Variants in RAPH1 observed in about 807,000 individuals in gnomAD.
The protein encoded by RAPH1 is ras-associated and pleckstrin homology domains-containing protein 1.
Under a neutral mutation model 88.1 loss-of-function variants are expected in RAPH1, and 18 were observed. The ratio of observed to expected loss-of-function variants is 0.20; its 90% CI spans 0.14 to 0.30. The LOEUF is 0.30. Among genes scored for constraint, RAPH1 ranks in the 10% least tolerant of loss-of-function variants. RAPH1 has a pLI of 1.00. For missense variants in RAPH1, 1,448 were observed against 1,543.2 expected (o/e 0.94, Z 1.03); for synonymous variants, 587 against 559.0 (o/e 1.05, Z -0.71).
chr2:203,510,755 T>C (rs1478292485), intron 1 of RAPH1, among the ~76,000 whole-genome samples: 1 of 152,112 alleles, frequency 6.6e-6, no homozygotes, highest in Non-Finnish European at 1.5e-5. Flanking sequence ...GTGGTGAAGG[T>C]TGCATGACCT....
chr2:203,530,755 G>A (rs1194113922), intron 1 of RAPH1, among the ~76,000 whole-genome samples: 4 of 152,110 alleles, frequency 2.6e-5, no homozygotes, highest in African/African-American at 4.8e-5. Flanking sequence ...AGCTGGGCAC[G>A]GTGGTGCATG....
At chr2:203,531,791 G>A (rs1316840237) in intron 1 of RAPH1, among the ~76,000 whole-genome samples, 1 of 152,174 alleles carries the variant, frequency 6.6e-6, no homozygotes, top group African/African-American at 2.4e-5. Context: ...ATTGCTAGTG[G>A]GAATGTAAAA....
Position 203,506,846 on chromosome 2 carries a change from C to CTATATATA in RAPH1, c.1-11494_1-11493insTATATATA, listed in dbSNP as rs1277788456. 4.8e-4 allele frequency among the ~76,000 whole-genome samples: 32 copies of CTATATATA among 66,462 alleles called. 2 individuals are homozygous for CTATATATA. Among genetic ancestry groups the CTATATATA allele is most frequent in the African/African-American group, 2.7e-3 (25 of 9,302 alleles). 43.6% of individuals were successfully genotyped at this position (66,462 alleles called of 152,430 possible). ...TATATATATATCTATATCTATATAT[C>CTATATATA]TATCTATATCTATATATATATATAT... On this transcript the variant is annotated intron_variant, in intron 1 of 13. Coordinates refer to ENST00000319170, the MANE Select transcript of RAPH1 (RefSeq NM_213589.3).
At chr2:203,518,442 T>C (rs893095071) in intron 1 of RAPH1, among the ~76,000 whole-genome samples, 1 of 151,420 alleles carries the variant, frequency 6.6e-6, no homozygotes, top group Non-Finnish European at 1.5e-5. Context: ...TGCTTGAATG[T>C]AGGAGGTGGA....
At chr2:203,485,346 G>A (rs1282771728) in intron 4 of RAPH1, among the ~76,000 whole-genome samples, 2 of 150,544 alleles carry the variant, frequency 1.3e-5, no homozygotes, top group Non-Finnish European at 2.9e-5. Flanking sequence ...GGGAGGCGGA[G>A]GTTGCAGTGA....
Position 203,448,956 on chromosome 2 carries a change from T to A in RAPH1, c.1414-120A>T. On this transcript the variant is annotated intron_variant, in intron 10 of 13. Transcript: ENST00000319170. The surrounding 1 kb of genome is among the most constrained non-coding windows in gnomAD (Gnocchi z 4.1). ...GCCATTAGAGTAATGGCCAATACAT[T>A]TATGCTTCTTATATGGCCATAAGGC... 1 of 479,470 alleles carries A rather than the reference T, an allele frequency of 2.1e-6. No individual in the cohort carries two copies. The highest frequency in any genetic ancestry group is 3.6e-6 in the Non-Finnish European group (1 of 278,500). 29.7% of individuals were successfully genotyped at this position (479,470 alleles called of 1,614,324 possible).
intron 1 of RAPH1, among the ~76,000 whole-genome samples, chr2:203,504,104 T>C (rs1285426551): frequency 6.6e-6 from 1 of 152,158 alleles, no homozygotes; most frequent in Non-Finnish European, 1.5e-5. Context: ...TCTGTAGATC[T>C]ACCATTCTGG....
intron 1 of RAPH1, among the ~76,000 whole-genome samples, chr2:203,522,895 CAAA>C (rs59862473): frequency 1.9e-3 from 165 of 85,822 alleles, no homozygotes; most frequent in Middle Eastern, 0.014. Context: ...GACTCTGTCT[CAAA>C]AAAAAAAAAA....
chr2:203,517,324 A>G (rs1440665281), intron 1 of RAPH1, among the ~76,000 whole-genome samples: 1 of 135,282 alleles, frequency 7.4e-6, no homozygotes, highest in African/African-American at 2.8e-5. Flanking sequence ...CTGAATGCAT[A>G]TGTGCCTAAC....
rs372047512 is a variant in RAPH1 at position 203,461,358 on chromosome 2, C to A, written c.861G>T (p.Val287=). The change falls in exon 6 of 14, where the codon GTG becomes GTT. Residue 287 remains valine (V), a synonymous_variant. Coordinates refer to ENST00000319170, the MANE Select transcript of RAPH1 (RefSeq NM_213589.3). ...CTTGTCTTACTGTCTGCCTCTCATC[C>A]ACCATCATTGTTTTAGAACTGTCAT... ...MSDDSSKTMM[V]DERQTVRQVL... 6.2e-7 allele frequency: 1 copy of A among 1,610,198 alleles called. No homozygotes were observed. Among genetic ancestry groups the A allele is most frequent in the African/African-American group, 1.3e-5 (1 of 74,880 alleles).
At chr2:203,514,680 G>A (rs1256436648) in intron 1 of RAPH1, among the ~76,000 whole-genome samples, 2 of 151,890 alleles carry the variant, frequency 1.3e-5, no homozygotes, top group East Asian at 1.9e-4. Context: ...TCAGCCTCCC[G>A]AGTAGCTGGA....
Position 203,435,401 on chromosome 2 carries a change from G to A in RAPH1, c.*4036C>T, listed in dbSNP as rs1457469362. On this transcript the variant is annotated 3_prime_UTR_variant, in exon 14 of 14. Transcript: ENST00000319170. ...AAAAAAAAACCTTAAAAGATAATAA[G>A]TATCTAATTCTTTTATACTTGCATT... 1 of 150,750 alleles carries A rather than the reference G, an allele frequency of 6.6e-6. No homozygotes were observed. Among genetic ancestry groups the A allele is most frequent in the African/African-American group, 2.4e-5 (1 of 40,846 alleles). 9.3% of individuals were successfully genotyped at this position (150,750 alleles called of 1,614,324 possible).
chr2:203,485,410 C>CAAAAA (rs71007521), intron 4 of RAPH1, among the ~76,000 whole-genome samples: 1 of 93,496 alleles, frequency 1.1e-5, no homozygotes, highest in Non-Finnish European at 2.2e-5. Context: ...GACTCTGTCT[C>CAAAAA]AAAAAAAAAA....
In RAPH1 at chr2:203,454,418, A is replaced by G. The variant is rs756829949; in HGVS notation, c.1413+12T>C. ...CATCAATTAAAATTCCTAAAAAGAAATATGTGTTTACCTTCAGCACCAGAC... is the reference window on the plus strand; with the variant it reads ...CATCAATTAAAATTCCTAAAAAGAAGTATGTGTTTACCTTCAGCACCAGAC... On this transcript the variant is annotated intron_variant, in intron 10 of 13. Transcript: ENST00000319170. 5 of 1,561,940 alleles carry G rather than the reference A, an allele frequency of 3.2e-6. No individual in the cohort carries two copies. The highest frequency in any genetic ancestry group is 4.4e-6 in the Non-Finnish European group (5 of 1,137,560).
intron 1 of RAPH1, among the ~76,000 whole-genome samples, chr2:203,503,101 G>A (rs897571612): frequency 3.3e-5 from 5 of 152,082 alleles, no homozygotes; most frequent in African/African-American, 9.7e-5. Context: ...CCAAGATCCC[G>A]CCATTGCATT....
rs1490843807 is a variant in RAPH1 at position 203,434,526 on chromosome 2, GTTA to G, written c.*4908_*4910del. The G allele has an allele frequency of 1.4e-5, 2 of 146,874 alleles. No individual in the cohort carries two copies. Among genetic ancestry groups the G allele is most frequent in the African/African-American group, 5.1e-5 (2 of 39,368 alleles). The allele number at this position is 146,874 out of a possible 1,614,324, so 9.1% of individuals were successfully genotyped here. On this transcript the variant is annotated 3_prime_UTR_variant, in exon 14 of 14. Coordinates refer to ENST00000319170, the MANE Select transcript of RAPH1 (RefSeq NM_213589.3). ...AAGCAAAATTGTTTGAAACATTCCA[GTTA>G]ATGCTTATTTTCTAGAAGGGGTTAT...
chr2:203,482,326 C>T (rs1478753972), intron 4 of RAPH1, among the ~76,000 whole-genome samples: 2 of 152,152 alleles, frequency 1.3e-5, no homozygotes, highest in Non-Finnish European at 2.9e-5. Flanking sequence ...GCTGGGATTA[C>T]AGGTGCCCGC....
chr2:203,474,570 A>G (rs1241635277), intron 4 of RAPH1, among the ~76,000 whole-genome samples: 1 of 152,234 alleles, frequency 6.6e-6, no homozygotes, highest in Non-Finnish European at 1.5e-5. Flanking sequence ...TTCTGAGCTT[A>G]CAAACAGCTG....
intron 4 of RAPH1, among the ~76,000 whole-genome samples, chr2:203,471,494 C>T (rs1202742736): frequency 6.6e-6 from 1 of 152,090 alleles, no homozygotes; most frequent in Non-Finnish European, 1.5e-5. Context: ...AGCCTGTAAT[C>T]CCAGCCACTC....
Sources: gnomAD v4.1 joint callset for allele counts (sites outside exome capture counted in the v4.1 genomes callset) on GRCh38, gnomAD v4.1.1 for gene constraint, Gnocchi (gnomAD v3.1) non-coding constraint, MANE v1.5 for transcripts, NCBI Gene and HGNC (gene_info 2026-07-23, HGNC 2026-07-21) for gene names.